Variants in GALNT17 observed in about 807,000 individuals in gnomAD.
The protein encoded by GALNT17 is UDP-GalNAc:polypeptide N-acetylgalactosaminyltransferase-like 3.
A neutral mutation model predicts 63.7 loss-of-function variants in GALNT17; 29 were observed. That is an observed-to-expected ratio of 0.46 (90% CI 0.34 to 0.62). GALNT17 has a LOEUF of 0.62. Ranked by LOEUF, GALNT17 falls within the 20% of genes least tolerant of loss-of-function variation. The pLI, the probability that GALNT17 is intolerant of heterozygous loss-of-function variation, is 0.01. For synonymous variants in GALNT17, 305 were observed against 318.3 expected, an observed-to-expected ratio of 0.96 and a Z score of 0.45; for missense variants, 603 against 799.6, an observed-to-expected ratio of 0.75 and a Z score of 2.97.
At chr7:71,700,515 T>C (rs1311540603) in intron 9 of GALNT17, among the ~76,000 whole-genome samples, 1 of 152,116 alleles carries the variant, frequency 6.6e-6, no homozygotes, top group Non-Finnish European at 1.5e-5. Flanking sequence ...ATTCCTGAGC[T>C]TGATGGACTC....
chr7:71,703,213 G>C (rs961297096), intron 9 of GALNT17, among the ~76,000 whole-genome samples: 3 of 152,210 alleles, frequency 2.0e-5, no homozygotes, highest in African/African-American at 7.2e-5. Context: ...TTATTAGGCT[G>C]TTCTTGCCTT....
chr7:71,250,883 T>A (rs1790185715), intron 1 of GALNT17, among the ~76,000 whole-genome samples: 1 of 152,194 alleles, frequency 6.6e-6, no homozygotes, highest in Admixed American at 6.5e-5. Flanking sequence ...TCACCAGTGT[T>A]TTCAATACAT....
chr7:71,246,358 A>G (rs1215854403), intron 1 of GALNT17, among the ~76,000 whole-genome samples: 1 of 151,230 alleles, frequency 6.6e-6, no homozygotes. Context: ...CCTGACCTCA[A>G]ATGATCTGCC....
At chr7:71,165,234 C>T (rs2116264598) in intron 1 of GALNT17, among the ~76,000 whole-genome samples, 1 of 152,342 alleles carries the variant, frequency 6.6e-6, no homozygotes, top group African/African-American at 2.4e-5. Flanking sequence ...GAGGGCAATA[C>T]TTGAAGTACC....
chr7:71,331,342 T>C (rs1791804316), intron 1 of GALNT17, among the ~76,000 whole-genome samples: 3 of 152,202 alleles, frequency 2.0e-5, no homozygotes, highest in Admixed American at 1.3e-4. Flanking sequence ...GCAAGAATTC[T>C]GCAACAGGTC....
At chr7:71,216,345 A>G (rs1368246947) in intron 1 of GALNT17, among the ~76,000 whole-genome samples, 1 of 152,190 alleles carries the variant, frequency 6.6e-6, no homozygotes, top group Non-Finnish European at 1.5e-5. Context: ...TCTTTGTACT[A>G]TTAAGAAAGT....
intron 1 of GALNT17, among the ~76,000 whole-genome samples, chr7:71,331,078 C>T (rs1275642689): frequency 7.2e-5 from 11 of 152,078 alleles, no homozygotes; most frequent in African/African-American, 2.2e-4. Context: ...ACGGATGCCT[C>T]GTGTACCACA....
chr7:71,487,046 C>T (rs1347621748), intron 5 of GALNT17, among the ~76,000 whole-genome samples: 1 of 152,150 alleles, frequency 6.6e-6, no homozygotes, highest in Non-Finnish European at 1.5e-5. Context: ...CACGAAGCTT[C>T]AGCAACCCTG....
intron 1 of GALNT17, among the ~76,000 whole-genome samples, chr7:71,176,518 A>G (rs1002733): frequency 0.26 from 40,030 of 152,010 alleles, 9,799 homozygotes; most frequent in African/African-American, 0.66. Context: ...GGACAGGAAA[A>G]GGGAATGAGG....
intron 1 of GALNT17, among the ~76,000 whole-genome samples, chr7:71,265,306 T>G (rs1790474379): frequency 6.6e-6 from 1 of 150,732 alleles, no homozygotes; most frequent in Admixed American, 6.6e-5. Flanking sequence ...TTTGTATTTT[T>G]AGTAGAGACA....
At chr7:71,559,787 G>C (rs973145421) in intron 5 of GALNT17, among the ~76,000 whole-genome samples, 1 of 151,986 alleles carries the variant, frequency 6.6e-6, no homozygotes, top group African/African-American at 2.4e-5. Flanking sequence ...CTTGAGCCGG[G>C]AGATCGAGGC....
At chr7:71,420,703 C>T (rs1026405479) in intron 4 of GALNT17, among the ~76,000 whole-genome samples, 4 of 152,108 alleles carry the variant, frequency 2.6e-5, no homozygotes, top group Admixed American at 6.6e-5. Context: ...GAAAGGGGTG[C>T]GCTGATTTCA....
chr7:71,709,381 T>C (rs1384075485), intron 9 of GALNT17, among the ~76,000 whole-genome samples: 1 of 152,208 alleles, frequency 6.6e-6, no homozygotes, highest in Non-Finnish European at 1.5e-5. Flanking sequence ...TCTGTTCATG[T>C]CCTTTGCGCA....
intron 3 of GALNT17, among the ~76,000 whole-genome samples, 194 bp downstream of exon 3, chr7:71,388,595 C>T (rs1433509654): frequency 7.9e-5 from 12 of 151,472 alleles, no homozygotes; most frequent in Admixed American, 7.9e-4. Flanking sequence ...GGCATGATCT[C>T]AGCTCACTGC....
intron 5 of GALNT17, among the ~76,000 whole-genome samples, chr7:71,462,445 C>T (rs1787467702): frequency 6.6e-6 from 1 of 152,148 alleles, no homozygotes; most frequent in Non-Finnish European, 1.5e-5. Context: ...TGTGAACCCC[C>T]CAAATTTGGG....
chr7:71,408,886 GTA>G (rs1793377639), intron 3 of GALNT17, among the ~76,000 whole-genome samples: 1 of 151,466 alleles, frequency 6.6e-6, no homozygotes, highest in Non-Finnish European at 1.5e-5. Context: ...CTCTGTCTCT[GTA>G]TATGTGTGTG....
chr7:71,462,649 CA>C (rs1302680001), intron 5 of GALNT17, among the ~76,000 whole-genome samples: 1 of 152,156 alleles, frequency 6.6e-6, no homozygotes, highest in Non-Finnish European at 1.5e-5. Context: ...AAAGGTGGGA[CA>C]ACTTGAAACA....
chr7:71,682,870 G>A (rs1791289048), intron 9 of GALNT17, among the ~76,000 whole-genome samples: 1 of 152,100 alleles, frequency 6.6e-6, no homozygotes, highest in Admixed American at 6.6e-5. Flanking sequence ...GCTTGAGCCT[G>A]TGGTTAAAAT....
chr7:71,659,638 G>A (rs765683474), intron 6 of GALNT17, among the ~76,000 whole-genome samples: 3 of 152,230 alleles, frequency 2.0e-5, no homozygotes, highest in Non-Finnish European at 4.4e-5. Context: ...TCTGCATTCT[G>A]TTAATCAGTG....
Sources: gnomAD v4.1 joint callset for allele counts (sites outside exome capture counted in the v4.1 genomes callset) on GRCh38, gnomAD v4.1.1 for gene constraint, MANE v1.5 for transcripts, NCBI Gene and HGNC (gene_info 2026-07-23, HGNC 2026-07-21) for gene names.